Variants in RNU6-7 observed in about 807,000 individuals in gnomAD.
RNU6-7 encodes the protein RNA, U6 small nuclear 7.
At chr14:32,202,110 C>A (rs1882819773) in exon 1 of RNU6-7, 2 of 152,400 alleles carry the variant, frequency 1.3e-5, no homozygotes, top group Non-Finnish European at 2.9e-5. Context: ...ATGGCCCCTG[C>A]GCAAGGATGA....
exon 1 of RNU6-7, chr14:32,202,124 G>C (rs1290391119): frequency 1.3e-5 from 2 of 152,406 alleles, no homozygotes; most frequent in Admixed American, 1.3e-4. Context: ...AGGATGACAC[G>C]CAAATTCGTG....
At chr14:32,202,094 A>AT (rs1882818803) in exon 1 of RNU6-7, 1 of 152,402 alleles carries the variant, frequency 6.6e-6, no homozygotes, top group South Asian at 2.1e-4. Context: ...TACAGAGAAG[A>AT]TTAGCATGGC....
chr14:32,202,103 G>GC (rs1261628857), exon 1 of RNU6-7: 2 of 152,384 alleles, frequency 1.3e-5, no homozygotes, highest in Admixed American at 6.5e-5. Flanking sequence ...GATTAGCATG[G>GC]CCCCTGCGCA....
exon 1 of RNU6-7, chr14:32,202,151 G>A (rs1273103849): frequency 6.6e-6 from 1 of 152,380 alleles, no homozygotes; most frequent in Non-Finnish European, 1.5e-5. Flanking sequence ...TCCATATTTT[G>A]CGCGGTTCAA....
At chr14:32,202,123 C>T (rs1882820343) in exon 1 of RNU6-7, 1 of 152,388 alleles carries the variant, frequency 6.6e-6, no homozygotes, top group African/African-American at 2.4e-5. Context: ...AAGGATGACA[C>T]GCAAATTCGT....
At chr14:32,202,068 A>G (rs963309383) in exon 1 of RNU6-7, 5 of 152,364 alleles carry the variant, frequency 3.3e-5, no homozygotes, top group Non-Finnish European at 7.3e-5. Context: ...CAGCACATAT[A>G]CTAAAATTGG....
At chr14:32,202,088 G>C (rs958929367) in exon 1 of RNU6-7, 2 of 152,404 alleles carry the variant, frequency 1.3e-5, no homozygotes, top group Admixed American at 1.3e-4. Context: ...GAACGATACA[G>C]AGAAGATTAG....
At chr14:32,202,067 T>C (rs1306773614) in exon 1 of RNU6-7, 3 of 152,356 alleles carry the variant, frequency 2.0e-5, no homozygotes, top group African/African-American at 4.8e-5. Context: ...GCAGCACATA[T>C]ACTAAAATTG....
exon 1 of RNU6-7, chr14:32,202,115 G>A (rs943262322): frequency 8.5e-5 from 13 of 152,438 alleles, no homozygotes; most frequent in Admixed American, 2.6e-4. Flanking sequence ...CCCTGCGCAA[G>A]GATGACACGC....
At chr14:32,202,084 T>C (rs1005691371) in exon 1 of RNU6-7, 6 of 152,336 alleles carry the variant, frequency 3.9e-5, no homozygotes, top group Admixed American at 3.3e-4. Flanking sequence ...ATTGGAACGA[T>C]ACAGAGAAGA....
At chr14:32,202,075 T>C (rs1178514956) in exon 1 of RNU6-7, 5 of 152,440 alleles carry the variant, frequency 3.3e-5, no homozygotes, top group East Asian at 1.9e-4. Context: ...TATACTAAAA[T>C]TGGAACGATA....
chr14:32,202,125 C>G (rs1387740147), exon 1 of RNU6-7: 1 of 152,414 alleles, frequency 6.6e-6, no homozygotes, highest in African/African-American at 2.4e-5. Flanking sequence ...GGATGACACG[C>G]AAATTCGTGA....
exon 1 of RNU6-7, chr14:32,202,072 A>G (rs993580443): frequency 6.6e-6 from 1 of 152,364 alleles, no homozygotes; most frequent in Non-Finnish European, 1.5e-5. Context: ...ACATATACTA[A>G]AATTGGAACG....
chr14:32,202,116 G>A (rs1321515212), exon 1 of RNU6-7: 1 of 152,424 alleles, frequency 6.6e-6, no homozygotes. Flanking sequence ...CCTGCGCAAG[G>A]ATGACACGCA....
exon 1 of RNU6-7, chr14:32,202,083 A>G (rs887543832): frequency 3.9e-5 from 6 of 152,396 alleles, no homozygotes; most frequent in Non-Finnish European, 7.3e-5. Flanking sequence ...AATTGGAACG[A>G]TACAGAGAAG....
chr14:32,202,099 C>CG (rs1250492429), exon 1 of RNU6-7: 6 of 152,392 alleles, frequency 3.9e-5, no homozygotes, highest in African/African-American at 1.4e-4. Flanking sequence ...AGAAGATTAG[C>CG]ATGGCCCCTG....
At chr14:32,202,046 T>G (rs1882816460) in exon 1 of RNU6-7, 1 of 152,356 alleles carries the variant, frequency 6.6e-6, no homozygotes, top group Non-Finnish European at 1.5e-5. Flanking sequence ...CTTATTTGCG[T>G]GCTCGCTTCG....
exon 1 of RNU6-7, chr14:32,202,139 G>A (rs1882820845): frequency 6.6e-6 from 1 of 152,398 alleles, no homozygotes; most frequent in Non-Finnish European, 1.5e-5. Context: ...TTCGTGAAGC[G>A]TTCCATATTT....
At chr14:32,202,100 A>AT (rs1271701964) in exon 1 of RNU6-7, 2 of 152,412 alleles carry the variant, frequency 1.3e-5, no homozygotes, top group African/African-American at 4.8e-5. Flanking sequence ...GAAGATTAGC[A>AT]TGGCCCCTGC....
Sources: gnomAD v4.1 joint callset for allele counts on GRCh38, gnomAD v4.1.1 for gene constraint, MANE v1.5 for transcripts, NCBI Gene and HGNC (gene_info 2026-07-23, HGNC 2026-07-21) for gene names.